Variants in CFAP77 observed in about 807,000 individuals in gnomAD.
CFAP77 encodes the protein cilia- and flagella-associated protein 77.
Under a neutral mutation model 31.1 loss-of-function variants are expected in CFAP77, and 25 were observed. That is an observed-to-expected ratio of 0.80 (90% CI 0.59 to 1.12). The LOEUF (loss-of-function observed/expected upper bound fraction) is 1.12. CFAP77 is among the 50% of genes most tolerant of loss of function. The probability of loss-of-function intolerance (pLI) is 0.00; values close to 1 mark genes in which losing one functional copy is unlikely to be tolerated. For missense variants in CFAP77, 377 were observed against 397.3 expected (o/e 0.95, Z 0.44); for synonymous variants, 151 against 159.9 (o/e 0.94, Z 0.42).
chr9:132,558,706 AAAAT>A (rs893567670), intron 5 of CFAP77, among the ~76,000 whole-genome samples: 53 of 151,262 alleles, frequency 3.5e-4, no homozygotes, highest in African/African-American at 1.0e-3. Context: ...ACTCTGTCTC[AAAAT>A]AAATAAATAA....
In CFAP77 at chr9:132,481,920, G is replaced by A. The variant is rs1200477731; in HGVS notation, c.196-16775G>A. ...CAAAACAAAAGTCACTGGAGCGGGC[G>A]TTTTCATCTGTTCTCAGGAAGGAAC... On this transcript the variant is annotated intron_variant, in intron 1 of 5. Coordinates refer to ENST00000393216, the MANE Select transcript of CFAP77 (RefSeq NM_001282957.2). This position sits in a 1 kb window ranked among gnomAD's most constrained non-coding sequence, Gnocchi z 5.0. 7.1e-6 allele frequency among the ~76,000 whole-genome samples: 1 copy of A among 141,352 alleles called. No individual in the cohort carries two copies. Among genetic ancestry groups the A allele is most frequent in the African/African-American group, 2.5e-5 (1 of 39,604 alleles). 92.7% of individuals were successfully genotyped at this position (141,352 alleles called of 152,430 possible). A position where few individuals can be genotyped will look rare whatever the true frequency, so the allele number is the denominator to read the frequency against.
chr9:132,503,412 C>A (rs1851887091), intron 3 of CFAP77, among the ~76,000 whole-genome samples: 1 of 152,118 alleles, frequency 6.6e-6, no homozygotes, highest in South Asian at 2.1e-4. Flanking sequence ...GGAGAGGGGC[C>A]CTGGGTCGGG....
At chr9:132,513,366 C>T in intron 3 of CFAP77, 1 of 1,535,126 alleles carries the variant, frequency 6.5e-7, no homozygotes, top group Non-Finnish European at 8.8e-7. Flanking sequence ...GCTTCTGATC[C>T]TTTCCTTTAA....
chr9:132,551,929 G>A (rs939639521), intron 5 of CFAP77, among the ~76,000 whole-genome samples: 9 of 152,208 alleles, frequency 5.9e-5, no homozygotes, highest in African/African-American at 4.8e-5. Context: ...TGTCGTGGCC[G>A]GGCCTGCTCC....
chr9:132,486,022 A>G (rs184709433), intron 1 of CFAP77, among the ~76,000 whole-genome samples: 8 of 25,840 alleles, frequency 3.1e-4, no homozygotes, highest in African/African-American at 9.6e-4. Flanking sequence ...ATATATATAT[A>G]TATATATATA....
Position 132,498,741 on chromosome 9 carries a change from T to G in CFAP77, c.242T>G (p.Ile81Ser), listed in dbSNP as rs1851787232. The change falls in exon 2 of 6, where the codon ATT becomes AGT. Residue 81 changes from isoleucine (I) to serine (S), a missense_variant. By Grantham distance (142) the Ile-to-Ser change is moderately radical. Coordinates refer to ENST00000393216, the MANE Select transcript of CFAP77 (RefSeq NM_001282957.2). This position sits in a 1 kb window ranked among gnomAD's most constrained non-coding sequence, Gnocchi z 4.2. ...GAAAGAAGCTACAGTCTGCCCGGCATTAATTTTAATTATGGACTCTACATC... is the reference window on the plus strand; with the variant it reads ...GAAAGAAGCTACAGTCTGCCCGGCAGTAATTTTAATTATGGACTCTACATC... The part of the protein sequence containing the change: ...PRERSYSLPG[I>S]NFNYGLYIRG... 6.2e-7 allele frequency: 1 copy of G among 1,612,524 alleles called. No homozygotes were observed.
At chr9:132,430,699 C>A (rs1034126771) in intron 1 of CFAP77, among the ~76,000 whole-genome samples, 1 of 152,144 alleles carries the variant, frequency 6.6e-6, no homozygotes, top group Non-Finnish European at 1.5e-5. Context: ...GCACTTCAAG[C>A]TATTTTTACC....
At chr9:132,411,451 A>G (rs1281071366) in intron 1 of CFAP77, among the ~76,000 whole-genome samples, 1 of 152,126 alleles carries the variant, frequency 6.6e-6, no homozygotes, top group African/African-American at 2.4e-5. Context: ...CTCCTGGCAA[A>G]ACATTGACTC....
At chr9:132,562,034 TAAGCCCAACTGGA>T (rs1255180921) in intron 5 of CFAP77, among the ~76,000 whole-genome samples, 1 of 152,182 alleles carries the variant, frequency 6.6e-6, no homozygotes, top group Non-Finnish European at 1.5e-5. Context: ...TGAAGCTGGA[TAAGCCCAACTGGA>T]GGGGCCATCG....
intron 5 of CFAP77, among the ~76,000 whole-genome samples, chr9:132,568,206 C>G (rs1042237748): frequency 5.9e-5 from 9 of 152,058 alleles, no homozygotes; most frequent in Non-Finnish European, 1.3e-4. Flanking sequence ...TTCATTTACG[C>G]AAAATGAATA....
Position 132,572,795 on chromosome 9 carries a change from C to G in CFAP77, c.*285C>G, listed in dbSNP as rs954183815. On this transcript the variant is annotated 3_prime_UTR_variant, in exon 6 of 6. Coordinates refer to ENST00000393216, the MANE Select transcript of CFAP77 (RefSeq NM_001282957.2). ...CACCCTGCCTCTTCTCAAGCCCTCA[C>G]CTGCCAAGACAAGCCCAAATTACAA... The G allele has an allele frequency of 2.3e-6, 1 of 434,376 alleles. No homozygotes were observed. The highest frequency in any genetic ancestry group is 2.0e-5 in the African/African-American group (1 of 49,214). The allele number at this position is 434,376 out of a possible 1,614,324, so 26.9% of individuals were successfully genotyped here.
chr9:132,515,893 A>G (rs987245421), intron 3 of CFAP77, among the ~76,000 whole-genome samples: 1 of 152,224 alleles, frequency 6.6e-6, no homozygotes. Flanking sequence ...TGTCAAATCC[A>G]TCAGTGAATA....
At chr9:132,417,110 C>CT (rs1026308651) in intron 1 of CFAP77, among the ~76,000 whole-genome samples, 10 of 125,274 alleles carry the variant, frequency 8.0e-5, no homozygotes, top group African/African-American at 3.9e-4. Flanking sequence ...CTTTTGTTTT[C>CT]TTTTTTTCTT....
At chr9:132,538,094 T>C (rs1682628680) in intron 4 of CFAP77, among the ~76,000 whole-genome samples, 1 of 152,126 alleles carries the variant, frequency 6.6e-6, no homozygotes, top group Non-Finnish European at 1.5e-5. Context: ...TCCTGTACAA[T>C]CTATAGAGAA....
intron 5 of CFAP77, among the ~76,000 whole-genome samples, chr9:132,562,810 C>G (rs984448616): frequency 1.3e-5 from 2 of 152,022 alleles, no homozygotes; most frequent in African/African-American, 4.8e-5. Context: ...AGCGATTCTC[C>G]TGCCTCAGCC....
intron 5 of CFAP77, among the ~76,000 whole-genome samples, chr9:132,553,666 G>A (rs1181112535): frequency 1.3e-5 from 2 of 152,120 alleles, no homozygotes; most frequent in Admixed American, 6.5e-5. Context: ...CCAGGGTCTC[G>A]ATTGCACCCC....
rs1194592540 is a variant in CFAP77 at position 132,538,931 on chromosome 9, C to CA, written c.630+1231dup. Among the ~76,000 whole-genome samples the CA allele has an allele frequency of 4.1e-4, 62 of 151,206 alleles. 1 individual carries two copies. Among genetic ancestry groups the CA allele is most frequent in the African/African-American group, 3.2e-4 (13 of 41,166 alleles). On this transcript the variant is annotated intron_variant, in intron 4 of 5. Transcript: ENST00000393216. ...TGAAACCCCGTCTCTACTAAAAATA[C>CA]AAAAAATTAGCTGGGCGTGGTGGCA... is the stretch of plus-strand genomic sequence containing the variant.
At position 132,524,612 on chromosome 9, in the gene CFAP77, C is replaced by CA. The variant is rs369112824; in HGVS notation, c.525-12976dup. On this transcript the variant is annotated intron_variant, in intron 3 of 5. Coordinates refer to ENST00000393216, the MANE Select transcript of CFAP77 (RefSeq NM_001282957.2). ...TGGCCAATAGAGCAAGGCTCTGTCT[C>CA]AAAAAAAAAAAAATTAATTGACACG... 4.7e-3 allele frequency among the ~76,000 whole-genome samples: 670 copies of CA among 141,540 alleles called. 2 individuals carry two copies. The highest frequency in any genetic ancestry group is 7.1e-3 in the Middle Eastern group (2 of 280). 92.9% of individuals were successfully genotyped at this position (141,540 alleles called of 152,430 possible). A position where few individuals can be genotyped will look rare whatever the true frequency, so the allele number is the denominator to read the frequency against.
intron 5 of CFAP77, among the ~76,000 whole-genome samples, chr9:132,548,385 T>C (rs1449210355): frequency 1.3e-5 from 2 of 152,188 alleles, no homozygotes; most frequent in Non-Finnish European, 2.9e-5. Flanking sequence ...AAGGCTATTT[T>C]TTTAAATGTT....
Sources: gnomAD v4.1 joint callset for allele counts (sites outside exome capture counted in the v4.1 genomes callset) on GRCh38, gnomAD v4.1.1 for gene constraint, Gnocchi (gnomAD v3.1) non-coding constraint, MANE v1.5 for transcripts, NCBI Gene and HGNC (gene_info 2026-07-23, HGNC 2026-07-21) for gene names.